UBA2: variants seen among roughly 807,000 people sequenced by gnomAD.
UBA2 encodes the protein ubiquitin like modifier activating enzyme 2, also known as SUMO-activating enzyme subunit 2.
A neutral mutation model predicts 77.2 loss-of-function variants in UBA2; 11 were observed. The observed-to-expected ratio is 0.14, with a 90% confidence interval of 0.09 to 0.24. The LOEUF (loss-of-function observed/expected upper bound fraction) is 0.24, where lower values mean the gene tolerates loss of function less well. Among genes scored for constraint, UBA2 ranks in the 10% least tolerant of loss-of-function variants. UBA2 has a pLI of 1.00. For missense variants in UBA2, 487 were observed against 781.7 expected (o/e 0.62, Z 4.50); for synonymous variants, 278 against 276.7 (o/e 1.00, Z -0.05).
intron 8 of UBA2, 35 bp from the exon 9 acceptor site, chr19:34,450,230 T>A (rs930097005): frequency 6.9e-7 from 1 of 1,448,854 alleles, no homozygotes. Flanking sequence ...AATTAGGGAT[T>A]ATGGGGTTCA....
intron 4 of UBA2, among the ~76,000 whole-genome samples, chr19:34,433,939 C>T (rs1211408074): frequency 6.6e-6 from 1 of 152,042 alleles, no homozygotes; most frequent in South Asian, 2.1e-4. Flanking sequence ...GCCTTGGTGA[C>T]AGAGTGCGAC....
intron 14 of UBA2, among the ~76,000 whole-genome samples, chr19:34,461,573 T>G (rs2075631588): frequency 6.6e-6 from 1 of 152,218 alleles, no homozygotes; most frequent in African/African-American, 2.4e-5. Flanking sequence ...AAATGCTAGC[T>G]TAAAAATGGA....
At chr19:34,441,930 C>A (rs376065237) in intron 6 of UBA2, among the ~76,000 whole-genome samples, 220 of 136,230 alleles carry the variant, frequency 1.6e-3, no homozygotes, top group Middle Eastern at 3.6e-3. Flanking sequence ...CAGAAAAAGA[C>A]AAAAAAAAAA....
chr19:34,430,996 A>G (rs1453920388), intron 2 of UBA2, among the ~76,000 whole-genome samples: 1 of 152,094 alleles, frequency 6.6e-6, no homozygotes, highest in Non-Finnish European at 1.5e-5. Context: ...CTGCTGTCCT[A>G]GTTGAAACAA....
intron 12 of UBA2, among the ~76,000 whole-genome samples, chr19:34,455,736 C>G (rs1452423178): frequency 6.6e-6 from 1 of 152,104 alleles, no homozygotes; most frequent in East Asian, 1.9e-4. Flanking sequence ...CTCCACCTCC[C>G]AGGATCAAGC....
At chr19:34,446,741 T>C (rs2075436075) in intron 8 of UBA2, among the ~76,000 whole-genome samples, 1 of 152,098 alleles carries the variant, frequency 6.6e-6, no homozygotes, top group Non-Finnish European at 1.5e-5. Flanking sequence ...CCTGAGTAGC[T>C]GGGATTACAG....
intron 15 of UBA2, among the ~76,000 whole-genome samples, chr19:34,465,148 A>C (rs904998952): frequency 1.4e-4 from 21 of 152,184 alleles, no homozygotes; most frequent in African/African-American, 5.1e-4. Flanking sequence ...ATTTTTGTTC[A>C]TGCTCATTGA....
intron 9 of UBA2, 26 bp downstream of exon 9, chr19:34,450,390 A>T (rs2075479492): frequency 6.6e-7 from 1 of 1,505,520 alleles, no homozygotes; most frequent in South Asian, 1.2e-5. Flanking sequence ...TAGTCTTGGA[A>T]CACCTAAGCT....
At position 34,462,547 on chromosome 19, in the gene UBA2, G is replaced by A. The variant is rs537679673; in HGVS notation, c.1499-1479G>A. On this transcript the variant is annotated intron_variant, in intron 14 of 16. Coordinates refer to ENST00000246548, the MANE Select transcript of UBA2 (RefSeq NM_005499.3). The stretch of plus-strand genomic sequence containing the variant: ...AGCAACAGATCTGGAAAAGAACTAG[G>A]AGAAACTGTTAGTATTTTCTGGGTG... 3.3e-5 allele frequency among the ~76,000 whole-genome samples: 5 copies of A among 152,262 alleles called. No individual in the cohort carries two copies. The East Asian group carries it at 9.6e-4, about 29-fold the overall frequency.
intron 4 of UBA2, among the ~76,000 whole-genome samples, chr19:34,434,052 T>C (rs942733631): frequency 6.6e-6 from 1 of 152,212 alleles, no homozygotes; most frequent in African/African-American, 2.4e-5. Context: ...GTATATCTAC[T>C]AAGTGAGTTT....
intron 6 of UBA2, among the ~76,000 whole-genome samples, chr19:34,443,065 T>TAAC (rs1444556499): frequency 6.6e-6 from 1 of 152,218 alleles, no homozygotes; most frequent in Admixed American, 6.5e-5. Flanking sequence ...TTCAAATTGT[T>TAAC]TGTTAACACT....
intron 3 of UBA2, 85 bp from the exon 4 acceptor site, chr19:34,433,263 G>GT: frequency 4.2e-6 from 4 of 962,240 alleles, no homozygotes; most frequent in Non-Finnish European, 4.9e-6. Flanking sequence ...CAGTTACTAT[G>GT]TTTTTTTCAG....
rs140330177 is a variant in UBA2, at chr19:34,441,181, C to T, written c.581+2415C>T. ...CAGAATAAAAACTTACTAGGCCGGG[C>T]GAGGTGGCTCACGCCTGTAATCCCA... On this transcript the variant is annotated intron_variant, in intron 6 of 16. Coordinates refer to ENST00000246548, the MANE Select transcript of UBA2 (RefSeq NM_005499.3). Among the ~76,000 whole-genome samples, 68 of 152,244 alleles carry T rather than the reference C, an allele frequency of 4.5e-4. No homozygotes were observed. The East Asian group carries it at 0.011, about 26-fold the overall frequency.
At chr19:34,430,520 T>TA in intron 1 of UBA2, 56 bp from the exon 2 acceptor site, 1 of 1,364,156 alleles carries the variant, frequency 7.3e-7, no homozygotes, top group Non-Finnish European at 1.0e-6. Context: ...AGAGTAGTGA[T>TA]ACAGCTCAAA....
intron 14 of UBA2, among the ~76,000 whole-genome samples, chr19:34,463,758 G>A (rs964750496): frequency 6.6e-6 from 1 of 152,122 alleles, no homozygotes; most frequent in Non-Finnish European, 1.5e-5. Flanking sequence ...GTGAGCTACT[G>A]TGCCTGCCTT....
At chr19:34,430,969 G>A (rs78361048) in intron 2 of UBA2, among the ~76,000 whole-genome samples, 374 of 152,240 alleles carry the variant, frequency 2.5e-3, no homozygotes, top group Non-Finnish European at 4.4e-3. Flanking sequence ...ATGTTTGGGG[G>A]CTAGAGGAGC....
chr19:34,435,749 G>C (rs2075301125), intron 5 of UBA2, among the ~76,000 whole-genome samples: 1 of 151,692 alleles, frequency 6.6e-6, no homozygotes, highest in Admixed American at 6.6e-5. Context: ...AGAATTGCTT[G>C]AACCTCGGAG....
chr19:34,445,397 A>G (rs1307387835), intron 8 of UBA2, among the ~76,000 whole-genome samples: 1 of 150,182 alleles, frequency 6.7e-6, no homozygotes, highest in South Asian at 2.1e-4. Context: ...CTCACTTTTT[A>G]CAGAACTTCT....
At chr19:34,467,379 G>A (rs2075698691) in intron 16 of UBA2, among the ~76,000 whole-genome samples, 1 of 151,264 alleles carries the variant, frequency 6.6e-6, no homozygotes, top group African/African-American at 2.4e-5. Flanking sequence ...GGCTGAAGTG[G>A]TTCACTTGAA....
Sources: allele counts gnomAD v4.1 joint callset (sites outside exome capture counted in the v4.1 genomes callset), GRCh38; gene constraint gnomAD v4.1.1; transcripts MANE v1.5; gene names NCBI Gene and HGNC (gene_info 2026-07-23, HGNC 2026-07-21).